The following STAC variants were observed in gnomAD, a reference collection of about 807,000 sequenced individuals.
The protein encoded by STAC is SH3 and cysteine-rich domain-containing protein.
Under a neutral mutation model 48.8 loss-of-function variants are expected in STAC, and 43 were observed. The observed-to-expected ratio is 0.88, with a 90% CI of 0.69 to 1.14. The LOEUF (loss-of-function observed/expected upper bound fraction) is 1.14. Among genes scored for constraint, STAC ranks in the 50% most tolerant of loss-of-function variants. The pLI, the probability that STAC is intolerant of heterozygous loss-of-function variation, is 0.00. For synonymous variants in STAC, 193 were observed against 179.5 expected (o/e 1.07, Z -0.60); for missense variants, 497 against 504.0 (o/e 0.99, Z 0.13).
intron 1 of STAC, 139 bp downstream of exon 1, chr3:36,380,893 T>TC: frequency 1.6e-6 from 1 of 629,434 alleles, no homozygotes; most frequent in South Asian, 2.1e-5. Flanking sequence ...GACTTGAACG[T>TC]CCGGTAGGAC....
rs570971717 is a variant in STAC at position 36,394,760 on chromosome 3, G to A, written c.111+14006G>A. Reference sequence around the variant, plus strand: ...AAAAATACAAAAATTAGCCGGGTGCGGTGGTGCACACCTGTAGTCCCAGCT... The same window carrying A: ...AAAAATACAAAAATTAGCCGGGTGCAGTGGTGCACACCTGTAGTCCCAGCT... On this transcript the variant is annotated intron_variant, in intron 1 of 10. Transcript: ENST00000273183. 1.5e-3 allele frequency among the ~76,000 whole-genome samples: 232 copies of A among 152,088 alleles called. 5 individuals carry two copies. Among genetic ancestry groups the A allele is most frequent in the Middle Eastern group, 3.4e-3 (1 of 294 alleles).
intron 2 of STAC, among the ~76,000 whole-genome samples, chr3:36,478,350 CAT>C (rs1697548368): frequency 1.3e-5 from 2 of 152,192 alleles, no homozygotes; most frequent in African/African-American, 2.4e-5. Flanking sequence ...CAATCTTAAA[CAT>C]ATTTTATTTT....
chr3:36,421,702 T>G (rs1321536045), intron 1 of STAC, among the ~76,000 whole-genome samples: 1 of 152,170 alleles, frequency 6.6e-6, no homozygotes, highest in African/African-American at 2.4e-5. Context: ...ATTTCTTTAA[T>G]GATTTTCAAC....
At chr3:36,419,380 A>T (rs1700395231) in intron 1 of STAC, among the ~76,000 whole-genome samples, 1 of 152,214 alleles carries the variant, frequency 6.6e-6, no homozygotes, top group Non-Finnish European at 1.5e-5. Flanking sequence ...GGCAAAGGGA[A>T]AAACCTCTCC....
intron 1 of STAC, among the ~76,000 whole-genome samples, chr3:36,436,864 G>A (rs1011646285): frequency 5.9e-5 from 9 of 151,648 alleles, no homozygotes; most frequent in African/African-American, 2.4e-5. Context: ...GAAAATTTCC[G>A]CAACCTACTC....
chr3:36,385,117 A>T (rs768572396), intron 1 of STAC, among the ~76,000 whole-genome samples: 1 of 152,180 alleles, frequency 6.6e-6, no homozygotes. Flanking sequence ...TTCTATACAG[A>T]TGCCCACTGA....
At chr3:36,385,529 C>T (rs1249540434) in intron 1 of STAC, among the ~76,000 whole-genome samples, 1 of 151,710 alleles carries the variant, frequency 6.6e-6, no homozygotes, top group Non-Finnish European at 1.5e-5. Context: ...AACATCATCC[C>T]CAAAACTGCA....
At chr3:36,464,556 T>C (rs926621864) in intron 2 of STAC, among the ~76,000 whole-genome samples, 4 of 152,164 alleles carry the variant, frequency 2.6e-5, no homozygotes, top group African/African-American at 9.7e-5. Context: ...CAGTGTACAC[T>C]GTACCAATGT....
intron 2 of STAC, among the ~76,000 whole-genome samples, chr3:36,480,424 A>C (rs1434416251): frequency 6.6e-6 from 1 of 152,182 alleles, no homozygotes; most frequent in Non-Finnish European, 1.5e-5. Flanking sequence ...TCCTGAAGAA[A>C]GTTTTCAGGT....
At chr3:36,515,182 T>G (rs1698641023) in intron 8 of STAC, among the ~76,000 whole-genome samples, 1 of 152,026 alleles carries the variant, frequency 6.6e-6, no homozygotes, top group South Asian at 2.1e-4. Flanking sequence ...CAAGAAGAAA[T>G]TGTAAAGGGG....
Position 36,504,462 on chromosome 3 carries a change from T to G in STAC, c.831+5T>G, listed in dbSNP as rs1698351453. 6.2e-7 allele frequency: 1 copy of G among 1,613,366 alleles called. No homozygotes were observed. The highest frequency in any genetic ancestry group is 8.5e-7 in the Non-Finnish European group (1 of 1,179,564). On this transcript the variant is annotated splice_donor_5th_base_variant and intron_variant, in intron 7 of 10. Coordinates refer to ENST00000273183, the MANE Select transcript of STAC (RefSeq NM_003149.3). The stretch of plus-strand genomic sequence containing the variant: ...GCGAAGAACATAAACCACCAGGTAT[T>G]TATGGATGTCACAGAAGACAAGTCA...
rs79026099 is a variant in STAC at position 36,505,418 on chromosome 3, G to C, written c.832-328G>C. ...TCATGTGTCCCTCTTTCTTTAGAAA[G>C]AATATTCCCATTTCTGAAGTCTAAC... On this transcript the variant is annotated intron_variant, in intron 7 of 10. Transcript: ENST00000273183. Among the ~76,000 whole-genome samples the C allele has an allele frequency of 6.8e-3, 1,028 of 152,030 alleles. 14 individuals carry two copies. The highest frequency in any genetic ancestry group is 0.024 in the African/African-American group (989 of 41,452).
rs1012209771 is a variant in STAC at position 36,547,272 on chromosome 3, G to A, written c.*983G>A. ...TACGTTGCAGGGAACTAGGAACATG[G>A]AGGGGAACCAACAACAGCATCTTAG... On this transcript the variant is annotated 3_prime_UTR_variant, in exon 11 of 11. Transcript: ENST00000273183. 1 of 152,508 alleles carries A rather than the reference G, an allele frequency of 6.6e-6. No homozygotes were observed. Among genetic ancestry groups the A allele is most frequent in the Non-Finnish European group, 1.5e-5 (1 of 68,052 alleles). The allele number at this position is 152,508 out of a possible 1,614,324, so 9.4% of individuals were successfully genotyped here.
intron 1 of STAC, among the ~76,000 whole-genome samples, chr3:36,392,955 C>T (rs1019771451): frequency 4.6e-5 from 7 of 152,160 alleles, no homozygotes; most frequent in African/African-American, 1.7e-4. Context: ...CTTCCAAATA[C>T]CCTGACCTCC....
At chr3:36,540,957 T>C (rs1699309839) in intron 10 of STAC, among the ~76,000 whole-genome samples, 1 of 152,164 alleles carries the variant, frequency 6.6e-6, no homozygotes. Flanking sequence ...AAAGGGTCTA[T>C]TTTACTCCTA....
chr3:36,530,340 A>G (rs898728381), intron 10 of STAC, among the ~76,000 whole-genome samples: 1 of 152,208 alleles, frequency 6.6e-6, no homozygotes, highest in African/African-American at 2.4e-5. Flanking sequence ...ATTTTAATAC[A>G]TCTCTGTTCA....
chr3:36,432,459 C>T (rs1443923051), intron 1 of STAC, among the ~76,000 whole-genome samples: 1 of 152,114 alleles, frequency 6.6e-6, no homozygotes. Context: ...CTCAGCACTT[C>T]CGGAGGCCGA....
intron 1 of STAC, among the ~76,000 whole-genome samples, chr3:36,398,654 A>AAG (rs1699935464): frequency 8.7e-6 from 1 of 115,600 alleles, no homozygotes; most frequent in African/African-American, 3.1e-5. Context: ...AAGAAAGAGA[A>AAG]AGAAAGGAAG....
chr3:36,380,585 C>T lies in STAC; in HGVS notation c.-59C>T, dbSNP rs1699484758. 1 of 1,381,032 alleles carries T rather than the reference C, an allele frequency of 7.2e-7. No homozygotes were observed. Among genetic ancestry groups the T allele is most frequent in the Admixed American group, 2.0e-5 (1 of 50,674 alleles). The allele number at this position is 1,381,032 out of a possible 1,614,324, so 85.5% of individuals were successfully genotyped here. ...AGCCTGGCGCGCGGCGGGCAGGGCG[C>T]GCAGGACAGAAGCCTCGCTGTTCCT... is the stretch of plus-strand genomic sequence containing the variant. On this transcript the variant is annotated 5_prime_UTR_variant, in exon 1 of 11. Coordinates refer to ENST00000273183, the MANE Select transcript of STAC (RefSeq NM_003149.3).
Sources: gnomAD v4.1 joint callset for allele counts (sites outside exome capture counted in the v4.1 genomes callset) on GRCh38, gnomAD v4.1.1 for gene constraint, MANE v1.5 for transcripts, NCBI Gene and HGNC (gene_info 2026-07-23, HGNC 2026-07-21) for gene names.